CHCHD6: variants seen among roughly 807,000 people sequenced by gnomAD.
CHCHD6 encodes MICOS complex subunit MIC25.
In CHCHD6, 28 loss-of-function variants were observed where a neutral mutation model predicts 32.3. That is an observed-to-expected ratio of 0.87 (90% CI 0.64 to 1.19). CHCHD6 has a LOEUF of 1.19. CHCHD6 is among the 50% of genes most tolerant of loss of function. The pLI, the probability that CHCHD6 is intolerant of heterozygous loss-of-function variation, is 0.00. For missense variants in CHCHD6, 333 were observed against 307.0 expected, an observed-to-expected ratio of 1.08 and a Z score of -0.63; for synonymous variants, 122 against 117.5, an observed-to-expected ratio of 1.04 and a Z score of -0.25.
chr3:126,734,157 C>G (rs1935938498), intron 4 of CHCHD6, among the ~76,000 whole-genome samples: 1 of 152,162 alleles, frequency 6.6e-6, no homozygotes, highest in Admixed American at 6.5e-5. Flanking sequence ...TACCAGGTGC[C>G]CATGGCTAAG....
intron 1 of CHCHD6, among the ~76,000 whole-genome samples, chr3:126,726,248 C>A (rs1371400211): frequency 6.6e-6 from 1 of 151,960 alleles, no homozygotes; most frequent in Non-Finnish European, 1.5e-5. Flanking sequence ...ATAGAAAGGC[C>A]CAAGGAGAGG....
chr3:126,777,751 G>A (rs776395601), intron 4 of CHCHD6, among the ~76,000 whole-genome samples: 2 of 152,124 alleles, frequency 1.3e-5, no homozygotes, highest in Non-Finnish European at 2.9e-5. Flanking sequence ...AAAGAAAACT[G>A]GTTTTATTTT....
rs778523880 is a variant in CHCHD6, at chr3:126,713,033, C to A, written c.87+8634C>A. 2.0e-5 allele frequency among the ~76,000 whole-genome samples: 3 copies of A among 152,164 alleles called. No homozygotes were observed. In the East Asian group the frequency reaches 5.8e-4, roughly 29 times the overall value. On this transcript the variant is annotated intron_variant, in intron 1 of 7. Transcript: ENST00000290913. ...GAGCTTTACCTTACAGCAGTTTCTC[C>A]GTTTTGTTCTCTCCTCTTTGTCCTT...
intron 1 of CHCHD6, among the ~76,000 whole-genome samples, chr3:126,719,329 C>T (rs1299949412): frequency 6.6e-6 from 1 of 152,200 alleles, no homozygotes; most frequent in Non-Finnish European, 1.5e-5. Context: ...GCTGGGCGGG[C>T]GTCTTAACAG....
chr3:126,830,286 G>A (rs548821915), intron 4 of CHCHD6, among the ~76,000 whole-genome samples: 1 of 152,220 alleles, frequency 6.6e-6, no homozygotes, highest in Admixed American at 6.5e-5. Flanking sequence ...ATGCCACTGG[G>A]CCCCACCTGG....
intron 5 of CHCHD6, among the ~76,000 whole-genome samples, chr3:126,901,860 A>T (rs2077932579): frequency 6.6e-6 from 1 of 152,240 alleles, no homozygotes; most frequent in Admixed American, 6.5e-5. Context: ...ACTGTCACTC[A>T]TTGAGTGCTT....
chr3:126,906,766 C>T (rs760231094), intron 5 of CHCHD6, among the ~76,000 whole-genome samples: 1 of 152,232 alleles, frequency 6.6e-6, no homozygotes, highest in Non-Finnish European at 1.5e-5. Context: ...AGGACTTCAC[C>T]TCTCTTGGTT....
intron 4 of CHCHD6, among the ~76,000 whole-genome samples, chr3:126,835,379 A>G (rs1348119628): frequency 2.6e-5 from 4 of 152,266 alleles, no homozygotes; most frequent in East Asian, 3.9e-4. Context: ...CTGGTCAGGT[A>G]GGGGCCACTT....
chr3:126,767,870 A>G (rs953104258), intron 4 of CHCHD6, among the ~76,000 whole-genome samples: 3 of 152,108 alleles, frequency 2.0e-5, no homozygotes, highest in Non-Finnish European at 2.9e-5. Context: ...TTCCTGTGTT[A>G]GTTTGCTTAG....
intron 6 of CHCHD6, 46 bp downstream of exon 6, chr3:126,914,796 A>G: frequency 8.9e-7 from 1 of 1,127,196 alleles, no homozygotes; most frequent in Non-Finnish European, 1.4e-6. Flanking sequence ...CCACAATTGT[A>G]AAAATTCCCA....
At chr3:126,904,594 C>T (rs544335233) in intron 5 of CHCHD6, among the ~76,000 whole-genome samples, 24 of 152,220 alleles carry the variant, frequency 1.6e-4, no homozygotes, top group African/African-American at 5.1e-4. Context: ...CTACATACAT[C>T]GGCAGCATAC....
intron 4 of CHCHD6, among the ~76,000 whole-genome samples, chr3:126,821,259 T>G (rs892032732): frequency 1.3e-5 from 2 of 152,248 alleles, no homozygotes; most frequent in African/African-American, 4.8e-5. Context: ...TTAAGAACAT[T>G]TAAAATGAGT....
At chr3:126,732,078 C>CAAAAA (rs57722271) in intron 3 of CHCHD6, among the ~76,000 whole-genome samples, 5 of 75,860 alleles carry the variant, frequency 6.6e-5, no homozygotes, top group Admixed American at 1.4e-4. Context: ...GACCCAAAAC[C>CAAAAA]AAAAAAAAAA....
chr3:126,758,108 A>C (rs956699414), intron 4 of CHCHD6, among the ~76,000 whole-genome samples: 1 of 152,238 alleles, frequency 6.6e-6, no homozygotes, highest in African/African-American at 2.4e-5. Flanking sequence ...TGCATCTGTG[A>C]AACAGGCCAC....
At position 126,721,284 on chromosome 3, in the gene CHCHD6, C is replaced by T. The variant is rs548702109; in HGVS notation, c.88-5794C>T. ...TGGCTTCATCCAAGTCCTTCCACCCCACGCCTTCCAAAGTGAACCTATGGC... is the reference window on the plus strand; with the variant it reads ...TGGCTTCATCCAAGTCCTTCCACCCTACGCCTTCCAAAGTGAACCTATGGC... On this transcript the variant is annotated intron_variant, in intron 1 of 7. Coordinates refer to ENST00000290913, the MANE Select transcript of CHCHD6 (RefSeq NM_032343.3). Among the ~76,000 whole-genome samples the T allele has an allele frequency of 3.9e-5, 6 of 152,316 alleles. No individual in the cohort carries two copies. In the South Asian group the frequency reaches 1.0e-3, roughly 26 times the overall value.
chr3:126,807,832 G>C (rs1939475532), intron 4 of CHCHD6, among the ~76,000 whole-genome samples: 1 of 152,124 alleles, frequency 6.6e-6, no homozygotes, highest in East Asian at 1.9e-4. Context: ...ACAGGGAGTG[G>C]CAAACTTTTT....
At chr3:126,754,502 T>C (rs1936868195) in intron 4 of CHCHD6, among the ~76,000 whole-genome samples, 1 of 152,178 alleles carries the variant, frequency 6.6e-6, no homozygotes, top group Non-Finnish European at 1.5e-5. Context: ...GCACCCTTTG[T>C]GGCTGAGCTC....
chr3:126,906,496 C>T (rs983043737), intron 5 of CHCHD6, among the ~76,000 whole-genome samples: 2 of 152,222 alleles, frequency 1.3e-5, no homozygotes, highest in Non-Finnish European at 2.9e-5. Flanking sequence ...CGGTCCAACA[C>T]CTTCCGACAG....
At chr3:126,795,463 G>A (rs996015583) in intron 4 of CHCHD6, among the ~76,000 whole-genome samples, 3 of 152,134 alleles carry the variant, frequency 2.0e-5, no homozygotes, top group African/African-American at 7.2e-5. Flanking sequence ...TTCTTTCTGA[G>A]TTAAGAATTG....
Sources: gnomAD v4.1 joint callset for allele counts (sites outside exome capture counted in the v4.1 genomes callset) on GRCh38, gnomAD v4.1.1 for gene constraint, MANE v1.5 for transcripts, NCBI Gene and HGNC (gene_info 2026-07-23, HGNC 2026-07-21) for gene names.